Variants in NOTO observed in about 807,000 individuals in gnomAD.
The protein encoded by NOTO is homeobox protein notochord.
In NOTO, 19 loss-of-function variants were observed where a neutral mutation model predicts 20.5. The observed-to-expected ratio is 0.93, with a 90% CI of 0.65 to 1.36. The LOEUF (loss-of-function observed/expected upper bound fraction) is 1.36. NOTO is among the 40% of genes most tolerant of loss of function. The probability of loss-of-function intolerance (pLI) is 0.00; values close to 1 mark genes in which losing one functional copy is unlikely to be tolerated. For missense variants in NOTO, 369 were observed against 336.2 expected, an observed-to-expected ratio of 1.10 and a Z score of -0.76; for synonymous variants, 150 against 150.2, an observed-to-expected ratio of 1.00 and a Z score of 0.01.
chr2:73,205,512 G>T (rs1218510875), intron 1 of NOTO, among the ~76,000 whole-genome samples: 1 of 152,164 alleles, frequency 6.6e-6, no homozygotes, highest in East Asian at 1.9e-4. Context: ...AATTAAAAAA[G>T]AAATTAGCCC....
intron 1 of NOTO, among the ~76,000 whole-genome samples, chr2:73,207,398 G>C (rs1000387681): frequency 1.6e-4 from 24 of 152,140 alleles, no homozygotes; most frequent in Admixed American, 6.5e-5. Flanking sequence ...CTTCTGCCTA[G>C]AATACTATAC....
intron 1 of NOTO, among the ~76,000 whole-genome samples, chr2:73,206,946 C>G (rs1464834161): frequency 6.6e-6 from 1 of 151,990 alleles, no homozygotes; most frequent in African/African-American, 2.4e-5. Flanking sequence ...AGGTGCCCAC[C>G]ACCACATCTG....
intron 1 of NOTO, among the ~76,000 whole-genome samples, chr2:73,205,356 C>T (rs917939754): frequency 1.3e-5 from 2 of 151,934 alleles, no homozygotes; most frequent in Admixed American, 1.3e-4. Flanking sequence ...ACTAAAAACA[C>T]AAAAATTAGC....
intron 1 of NOTO, 29 bp from the exon 2 acceptor site, chr2:73,208,371 A>G (rs763645458): frequency 6.7e-7 from 1 of 1,500,960 alleles, no homozygotes; most frequent in African/African-American, 1.4e-5. Flanking sequence ...GCTGCTGGAT[A>G]ACCTCCCCTG....
chr2:73,207,183 C>T (rs1487868003), intron 1 of NOTO, among the ~76,000 whole-genome samples: 1 of 152,202 alleles, frequency 6.6e-6, no homozygotes, highest in Non-Finnish European at 1.5e-5. Context: ...TGACTAGATA[C>T]ACCAGGCTGT....
intron 1 of NOTO, among the ~76,000 whole-genome samples, chr2:73,207,492 C>T (rs1196777542): frequency 6.6e-6 from 1 of 152,196 alleles, no homozygotes; most frequent in Admixed American, 6.5e-5. Flanking sequence ...TCTCCACTGG[C>T]CCACAGCTTG....
In NOTO at chr2:73,202,996, G is replaced by A; in HGVS notation, c.330G>A (p.Val110=). Residue 110 remains valine (V), a synonymous_variant, in exon 1 of 3, where the codon GTG becomes GTA. Transcript: ENST00000398468. ...PAYLSVGFYP[V]PGPRVAPVCG... is the part of the protein sequence containing the mutation. Reference sequence around the variant, plus strand: ...ACCTGAGCGTAGGTTTTTACCCTGTGCCAGGGCCGCGCGTGGCTCCCGTCT... The same window carrying A: ...ACCTGAGCGTAGGTTTTTACCCTGTACCAGGGCCGCGCGTGGCTCCCGTCT... 6.9e-7 allele frequency: 1 copy of A among 1,446,884 alleles called. No homozygotes were observed. 89.6% of individuals were successfully genotyped at this position (1,446,884 alleles called of 1,614,324 possible). A position where few individuals can be genotyped will look rare whatever the true frequency, so the allele number is the denominator to read the frequency against.
chr2:73,208,482 G>A lies in NOTO; in HGVS notation c.465G>A (p.Gln155=), dbSNP rs1347237478. ...PTEDLQDTER[Q]QKRVRTMFNL... ...AGGACCTACAGGACACTGAGAGACAGCAAAAGAGAGTCCGAACTATGTTTA... is the reference window on the plus strand; with the variant it reads ...AGGACCTACAGGACACTGAGAGACAACAAAAGAGAGTCCGAACTATGTTTA... The change falls in exon 2 of 3, where the codon CAG becomes CAA. Residue 155 remains glutamine, a synonymous_variant. Transcript: ENST00000398468. The A allele has an allele frequency of 4.5e-6, 7 of 1,551,476 alleles. No homozygotes were observed. The highest frequency in any genetic ancestry group is 6.1e-6 in the Non-Finnish European group (7 of 1,146,876).
rs987037298 is a variant in NOTO at position 73,211,189 on chromosome 2, T to G, written c.*260T>G. 7.2e-6 allele frequency: 3 copies of G among 413,890 alleles called. No homozygotes were observed. The allele number at this position is 413,890 out of a possible 1,614,324, so 25.6% of individuals were successfully genotyped here. On this transcript the variant is annotated 3_prime_UTR_variant, in exon 3 of 3. Coordinates refer to ENST00000398468, the MANE Select transcript of NOTO (RefSeq NM_001134462.2). ...CTTTTTTCTTTATCTGTATAATGGGTGCATTCATAACTTAGATCACCCAGG... is the reference window on the plus strand; with the variant it reads ...CTTTTTTCTTTATCTGTATAATGGGGGCATTCATAACTTAGATCACCCAGG...
At chr2:73,203,740 G>T (rs1168997367) in intron 1 of NOTO, among the ~76,000 whole-genome samples, 6 of 152,178 alleles carry the variant, frequency 3.9e-5, no homozygotes, top group Non-Finnish European at 8.8e-5. Flanking sequence ...CGAGGCGGGT[G>T]GATCACCTGA....
intron 1 of NOTO, among the ~76,000 whole-genome samples, chr2:73,206,334 T>C (rs1426080885): frequency 6.6e-6 from 1 of 152,156 alleles, no homozygotes; most frequent in Non-Finnish European, 1.5e-5. Context: ...TCATATGCTT[T>C]TGTTTTTGTT....
intron 1 of NOTO, among the ~76,000 whole-genome samples, chr2:73,204,860 T>C (rs953720559): frequency 8.2e-5 from 12 of 145,474 alleles, no homozygotes; most frequent in Admixed American, 7.7e-4. Context: ...CCCAGCACCA[T>C]GCCCGGCTAA....
chr2:73,208,411 G>A lies in NOTO; in HGVS notation c.394G>A (p.Ala132Thr), dbSNP rs762350159. The A allele has an allele frequency of 6.4e-7, 1 of 1,551,176 alleles. No individual in the cohort carries two copies. Among genetic ancestry groups the A allele is most frequent in the South Asian group, 1.2e-5 (1 of 84,048 alleles). The change falls in exon 2 of 3, where the codon GCT (alanine) becomes ACT (threonine). Residue 132 changes from alanine (A) to threonine (T), a missense_variant. Ala to Thr is a moderately conservative substitution (Grantham distance 58, BLOSUM62 0). Transcript: ENST00000398468. ...TGGTTGCTCTTTAGGGTTGGAGCTG[G>A]CTCACTGCTCAGGACTCTGGGCCTT... ...LGFGVTGLEL[A>T]HCSGLWAFPD...
chr2:73,210,004 C>G (rs1357862527), intron 2 of NOTO, among the ~76,000 whole-genome samples: 1 of 152,134 alleles, frequency 6.6e-6, no homozygotes, highest in East Asian at 1.9e-4. Context: ...TAATGTACGC[C>G]CCAGCTCTCC....
At chr2:73,209,754 G>A (rs1443093450) in intron 2 of NOTO, among the ~76,000 whole-genome samples, 1 of 152,078 alleles carries the variant, frequency 6.6e-6, no homozygotes, top group African/African-American at 2.4e-5. Flanking sequence ...TACCTTCTTG[G>A]TGATTCCACT....
intron 1 of NOTO, among the ~76,000 whole-genome samples, chr2:73,203,522 G>T: frequency 6.6e-6 from 1 of 152,068 alleles, no homozygotes; most frequent in Non-Finnish European, 1.5e-5. Context: ...GTTGAGCGAG[G>T]AGCTGTTAGG....
chr2:73,208,602 TAC>T lies in NOTO; in HGVS notation c.587_588del (p.Thr196ArgfsTer35), dbSNP rs1686122431. 3 of 1,550,330 alleles carry T rather than the reference TAC, an allele frequency of 1.9e-6. No homozygotes were observed. Among genetic ancestry groups the T allele is most frequent in the Admixed American group, 3.9e-5 (2 of 50,956 alleles). Reference protein sequence around the residue: ...RAQLAARLKLTENQVRVWFQN... With the variant: ...RAQLAARLKLXENQVRVWFQN... ...CCCAGCTGGCAGCTCGGCTCAAACT[TAC>T]AGAGAACCAGGTGGGAGTAGGGACT... On this transcript the variant is annotated frameshift_variant, in exon 2 of 3. Transcript: ENST00000398468. LOFTEE classifies it high-confidence loss of function.
intron 1 of NOTO, among the ~76,000 whole-genome samples, chr2:73,204,899 T>TTTTTTG (rs1686068876): frequency 1.5e-5 from 2 of 130,406 alleles, no homozygotes; most frequent in African/African-American, 3.1e-5. Flanking sequence ...TTTTTTTTTT[T>TTTTTTG]GAGGCGGAGT....
rs1686019644 is a variant in NOTO, at chr2:73,202,679, A to G, written c.13A>G (p.Arg5Gly). The G allele has an allele frequency of 6.7e-6, 10 of 1,492,772 alleles. No homozygotes were observed. The highest frequency in any genetic ancestry group is 8.0e-6 in the Non-Finnish European group (9 of 1,128,906). 92.5% of individuals were successfully genotyped at this position (1,492,772 alleles called of 1,614,324 possible). A position where few individuals can be genotyped will look rare whatever the true frequency, so the allele number is the denominator to read the frequency against. Residue 5 changes from arginine (R) to glycine (G), a missense_variant, in exon 1 of 3, where the codon AGG (arginine) becomes GGG (glycine). Transcript: ENST00000398468. ...CAACGGCCGCGTCATGCCTAGCCCC[A>G]GGCCGCGAGGCAGCCCGCCACCCGC... MPSP[R>G]PRGSPPPAPS...
Sources: allele counts gnomAD v4.1 joint callset (sites outside exome capture counted in the v4.1 genomes callset), GRCh38; gene constraint gnomAD v4.1.1; transcripts MANE v1.5; gene names NCBI Gene and HGNC (gene_info 2026-07-23, HGNC 2026-07-21).